The following FLNB variants were observed in gnomAD, a reference collection of about 807,000 sequenced individuals.
FLNB encodes the protein filamin-B.
Under a neutral mutation model 250.6 loss-of-function variants are expected in FLNB, and 111 were observed. That is an observed-to-expected ratio of 0.44 (90% CI 0.38 to 0.52). The LOEUF is 0.52. FLNB is among the 20% of genes least tolerant of loss of function. The pLI is 0.00. For synonymous variants in FLNB, 1,302 were observed against 1,372.1 expected (o/e 0.95, Z 1.13); for missense variants, 2,869 against 3,447.8 (o/e 0.83, Z 4.20).
At chr3:58,143,356 C>T (rs2097330364) in intron 31 of FLNB, 117 bp from the exon 32 acceptor site, 2 of 1,047,254 alleles carry the variant, frequency 1.9e-6, no homozygotes, top group Admixed American at 1.9e-5. Flanking sequence ...TTTTAGGCAG[C>T]AACGAATGTT....
In FLNB at chr3:58,123,414, G is replaced by A; in HGVS notation, c.3448G>A (p.Glu1150Lys). 1.2e-6 allele frequency: 2 copies of A among 1,614,070 alleles called. No individual in the cohort carries two copies. Among genetic ancestry groups the A allele is most frequent in the Non-Finnish European group, 1.7e-6 (2 of 1,179,958 alleles). Reference protein sequence around the residue: ...GPGLEHGKVGEAGLLSVDCSE... With the variant: ...GPGLEHGKVGKAGLLSVDCSE... ...AGGTCTCGAGCACGGGAAGGTGGGT[G>A]AAGCTGGCCTCCTTAGCGTCGACTG... The change falls in exon 21 of 46, where the codon GAA becomes AAA. Residue 1150 changes from glutamate (E) to lysine (K), a missense_variant. Glu to Lys is a moderately conservative substitution (Grantham distance 56). Transcript: ENST00000295956.
intron 19 of FLNB, among the ~76,000 whole-genome samples, chr3:58,120,708 T>G (rs2097287331): frequency 6.6e-6 from 1 of 152,166 alleles, no homozygotes; most frequent in African/African-American, 2.4e-5. Context: ...AATAAAACAT[T>G]GACTTATGAG....
intron 1 of FLNB, among the ~76,000 whole-genome samples, chr3:58,071,439 C>T (rs576492371): frequency 6.6e-6 from 1 of 152,022 alleles, no homozygotes; most frequent in East Asian, 1.9e-4. Context: ...CCACCATGCC[C>T]AGCTAATTTT....
intron 26 of FLNB, among the ~76,000 whole-genome samples, chr3:58,133,598 C>T (rs1482369275): frequency 6.6e-6 from 1 of 151,938 alleles, no homozygotes; most frequent in Non-Finnish European, 1.5e-5. Context: ...TCAGGGTTTG[C>T]TTGATAAAAG....
At chr3:58,105,256 A>C in intron 11 of FLNB, 40 bp downstream of exon 11, 1 of 1,613,402 alleles carries the variant, frequency 6.2e-7, no homozygotes, top group East Asian at 2.2e-5. Context: ...TGGAGGACTG[A>C]GGATTACAGG....
At chr3:58,139,085 A>G (rs530811018) in intron 29 of FLNB, among the ~76,000 whole-genome samples, 1 of 152,340 alleles carries the variant, frequency 6.6e-6, no homozygotes, top group East Asian at 1.9e-4. Flanking sequence ...GGAAACCATT[A>G]TGCAAACACC....
Position 58,150,119 on chromosome 3 carries a change from G to A in FLNB, c.6259G>A (p.Val2087Met), listed in dbSNP as rs765294510. ...GGGTCTTGCAGGGAGCCCATTTACC[G>A]TGAAGATCAGTGGGGAGGGAAGAGT... The part of the protein sequence containing the change: ...DEHVPGSPFT[V>M]KISGEGRVKE... The change falls in exon 38 of 46, where the codon GTG (valine) becomes ATG (methionine). Residue 2087 changes from valine to methionine, a missense_variant. Val to Met is a conservative substitution (Grantham distance 21). This residue lies in a region of FLNB where 1,084 missense variants were observed against 1,315.5 expected (regional missense o/e 0.82). Transcript: ENST00000295956. 3.7e-6 allele frequency: 6 copies of A among 1,614,244 alleles called. No homozygotes were observed. In the East Asian group the frequency reaches 6.7e-5, roughly 18 times the overall value.
chr3:58,017,441 T>G (rs573868720), intron 1 of FLNB, among the ~76,000 whole-genome samples: 2 of 152,232 alleles, frequency 1.3e-5, no homozygotes, highest in Admixed American at 1.3e-4. Flanking sequence ...TTAGTAGAGA[T>G]GAGGTTTCTC....
intron 32 of FLNB, 143 bp from the exon 33 acceptor site, chr3:58,145,778 T>C (rs2097334820): frequency 1.1e-6 from 1 of 928,098 alleles, no homozygotes; most frequent in Non-Finnish European, 1.8e-6. Context: ...GGGAGGTGCA[T>C]GTGCATCTCC....
chr3:58,094,721 A>G (rs1471119302), intron 4 of FLNB, 115 bp from the exon 5 acceptor site: 10 of 880,136 alleles, frequency 1.1e-5, no homozygotes, highest in South Asian at 1.3e-5. Flanking sequence ...CATTTCCCAC[A>G]TGGGATCTGC....
intron 1 of FLNB, among the ~76,000 whole-genome samples, chr3:58,013,021 T>C (rs1265633978): frequency 6.6e-6 from 1 of 152,220 alleles, no homozygotes; most frequent in Non-Finnish European, 1.5e-5. Flanking sequence ...AAGTTGAAAA[T>C]TTCCTTACGT....
intron 4 of FLNB, among the ~76,000 whole-genome samples, chr3:58,087,400 G>C (rs1033236816): frequency 1.3e-5 from 2 of 152,152 alleles, no homozygotes; most frequent in South Asian, 4.2e-4. Flanking sequence ...GTTGATAGTT[G>C]TTGAAGCTGG....
chr3:58,058,564 G>A (rs1434817760), intron 1 of FLNB, among the ~76,000 whole-genome samples: 1 of 152,210 alleles, frequency 6.6e-6, no homozygotes, highest in Non-Finnish European at 1.5e-5. Flanking sequence ...CCTTAATGTG[G>A]TTTTTAAGTG....
chr3:58,130,672 A>C (rs1337949481), intron 24 of FLNB, 69 bp from the exon 25 acceptor site: 1 of 1,533,790 alleles, frequency 6.5e-7, no homozygotes, highest in East Asian at 2.3e-5. Context: ...CAGCAGTGCT[A>C]TTCTGGGTGT....
chr3:58,081,209 G>A (rs946290326), intron 3 of FLNB, among the ~76,000 whole-genome samples: 4 of 152,094 alleles, frequency 2.6e-5, no homozygotes, highest in African/African-American at 9.7e-5. Flanking sequence ...TACAGACCAT[G>A]AGTATACAAG....
At chr3:58,103,299 C>G (rs970608958) in intron 9 of FLNB, among the ~76,000 whole-genome samples, 2 of 134,770 alleles carry the variant, frequency 1.5e-5, no homozygotes, top group African/African-American at 5.4e-5. Flanking sequence ...TGTGTGCACG[C>G]GCGTGCATGC....
intron 39 of FLNB, among the ~76,000 whole-genome samples, chr3:58,154,117 CTT>C (rs373229737): frequency 1.2e-3 from 179 of 152,292 alleles, no homozygotes; most frequent in African/African-American, 4.0e-3. Context: ...CTTTTTCTCT[CTT>C]GTTTGTTAGA....
intron 1 of FLNB, among the ~76,000 whole-genome samples, chr3:58,066,713 CT>C (rs1248612497): frequency 6.6e-6 from 1 of 152,080 alleles, no homozygotes; most frequent in East Asian, 1.9e-4. Context: ...AAAATTTTAC[CT>C]TTTCAAAAGT....
intron 4 of FLNB, among the ~76,000 whole-genome samples, chr3:58,090,190 C>T (rs2097224384): frequency 6.6e-6 from 1 of 151,280 alleles, no homozygotes; most frequent in Admixed American, 6.6e-5. Flanking sequence ...TAGACTTACA[C>T]AGGGTCAGGA....
Sources: allele counts gnomAD v4.1 joint callset (sites outside exome capture counted in the v4.1 genomes callset), GRCh38; gene constraint gnomAD v4.1.1; regional missense constraint gnomAD v4.1.1; transcripts MANE v1.5; gene names NCBI Gene and HGNC (gene_info 2026-07-23, HGNC 2026-07-21).